PTGR2: variants seen among roughly 807,000 people sequenced by gnomAD.
PTGR2 encodes the protein prostaglandin reductase 2.
PTGR2 carries 32 observed loss-of-function variants against 43.4 expected under a neutral mutation model. The ratio of observed to expected loss-of-function variants is 0.74; its 90% CI spans 0.56 to 0.99. PTGR2 has a LOEUF of 0.99. Among genes scored for constraint, PTGR2 ranks in the 50% least tolerant of loss-of-function variants. The pLI is 0.00. For synonymous variants in PTGR2, 106 were observed against 139.2 expected, an observed-to-expected ratio of 0.76 and a Z score of 1.68; for missense variants, 373 against 420.0, an observed-to-expected ratio of 0.89 and a Z score of 0.98.
intron 4 of PTGR2, among the ~76,000 whole-genome samples, chr14:73,874,846 G>A (rs918778546): frequency 2.0e-5 from 3 of 152,092 alleles, no homozygotes; most frequent in Non-Finnish European, 4.4e-5. Flanking sequence ...AAAAGAATAG[G>A]TAATAGCCTG....
Position 73,874,045 on chromosome 14 carries a change from C to T in PTGR2, c.179C>T (p.Thr60Ile). 1 of 1,608,954 alleles carries T rather than the reference C, an allele frequency of 6.2e-7. No individual in the cohort carries two copies. Among genetic ancestry groups the T allele is most frequent in the Non-Finnish European group, 8.5e-7 (1 of 1,178,360 alleles). Residue 60 changes from threonine (T) to isoleucine (I), a missense_variant, in exon 4 of 10, where the codon ACT becomes ATT. Coordinates refer to ENST00000555661, the MANE Select transcript of PTGR2 (RefSeq NM_001146154.2). ...PYMRCRMNED[T>I]GTDYITPWQL... is the part of the protein sequence containing the mutation. ...CAGCGTTGTAGAATGAATGAAGACACTGGCACTGATTATATAACACCTTGG... is the reference window on the plus strand; with the variant it reads ...CAGCGTTGTAGAATGAATGAAGACATTGGCACTGATTATATAACACCTTGG...
intron 1 of PTGR2, among the ~76,000 whole-genome samples, chr14:73,856,120 A>G (rs1237694760): frequency 6.6e-6 from 1 of 152,136 alleles, no homozygotes. Context: ...TAAGTAGCCT[A>G]CAGTAATGTC....
At chr14:73,856,616 A>C (rs1289673292) in intron 1 of PTGR2, among the ~76,000 whole-genome samples, 1 of 152,158 alleles carries the variant, frequency 6.6e-6, no homozygotes, top group African/African-American at 2.4e-5. Context: ...ACAAATACTT[A>C]CCATCGTGTT....
At chr14:73,880,441 G>T (rs979991651) in intron 7 of PTGR2, among the ~76,000 whole-genome samples, 1 of 151,850 alleles carries the variant, frequency 6.6e-6, no homozygotes, top group Non-Finnish European at 1.5e-5. Flanking sequence ...CGGGTGTAGT[G>T]ATGGGCGCCT....
At chr14:73,881,769 A>ATTTTT (rs2054993272) in intron 8 of PTGR2, among the ~76,000 whole-genome samples, 4 of 84,864 alleles carry the variant, frequency 4.7e-5, no homozygotes, top group African/African-American at 1.5e-4. Flanking sequence ...GGCCTAGGCT[A>ATTTTT]TTCTTTTTTT....
intron 9 of PTGR2, among the ~76,000 whole-genome samples, chr14:73,882,800 C>CCT (rs2055023189): frequency 4.8e-5 from 2 of 41,868 alleles, no homozygotes; most frequent in East Asian, 5.7e-4. Context: ...ACGCCTGGCC[C>CCT]TTTTTTTTTT....
intron 3 of PTGR2, among the ~76,000 whole-genome samples, chr14:73,862,996 T>C (rs754407203): frequency 4.6e-5 from 7 of 152,212 alleles, no homozygotes; most frequent in Non-Finnish European, 8.8e-5. Flanking sequence ...TGTGAGCCAC[T>C]ACATCTGTCT....
intron 3 of PTGR2, chr14:73,861,640 G>A (rs904927758): frequency 6.6e-6 from 1 of 152,214 alleles, no homozygotes; most frequent in Non-Finnish European, 1.5e-5. Context: ...AGAGGCTGAT[G>A]TGGGCAGATC....
intron 1 of PTGR2, 100 bp downstream of exon 1, chr14:73,852,043 G>C (rs1211640531): frequency 6.6e-6 from 1 of 152,212 alleles, no homozygotes; most frequent in South Asian, 2.1e-4. Context: ...ACTTCTAGGC[G>C]TCCTCCCGGA....
At chr14:73,876,720 G>A (rs950581833) in intron 4 of PTGR2, among the ~76,000 whole-genome samples, 2 of 151,854 alleles carry the variant, frequency 1.3e-5, no homozygotes, top group Admixed American at 6.6e-5. Flanking sequence ...CAGGTGATCC[G>A]CCTGCCTCGG....
chr14:73,881,249 GC>G lies in PTGR2; in HGVS notation c.897del (p.Ile300PhefsTer4). On this transcript the variant is annotated frameshift_variant, in exon 8 of 10. Coordinates refer to ENST00000555661, the MANE Select transcript of PTGR2 (RefSeq NM_001146154.2). Reference protein sequence around the residue: ...VLNYKDKFEPGILQLSQWFKE... With the variant: ...VLNYKDKFEPXILQLSQWFKE... ...AATTATAAAGACAAATTTGAGCCTG[GC>G]ATTCTACAGCTGAGTCAGTGGTTTA... The G allele has an allele frequency of 6.2e-7, 1 of 1,610,462 alleles. No individual in the cohort carries two copies. The highest frequency in any genetic ancestry group is 8.5e-7 in the Non-Finnish European group (1 of 1,177,006).
intron 3 of PTGR2, among the ~76,000 whole-genome samples, chr14:73,863,759 G>A (rs1188631787): frequency 6.6e-6 from 1 of 151,756 alleles, no homozygotes; most frequent in Non-Finnish European, 1.5e-5. Flanking sequence ...GGATTAACAG[G>A]CGTGCACCAC....
intron 8 of PTGR2, among the ~76,000 whole-genome samples, chr14:73,881,887 A>G (rs6574149): frequency 0.49 from 73,373 of 148,732 alleles, 18,145 homozygotes; most frequent in South Asian, 0.61. Context: ...AGGTTCAAGC[A>G]ATTATTCTGC....
intron 1 of PTGR2, among the ~76,000 whole-genome samples, chr14:73,853,329 TC>T (rs1488058671): frequency 3.1e-4 from 41 of 132,512 alleles, no homozygotes; most frequent in Admixed American, 1.9e-3. Context: ...TTCTCTTTTT[TC>T]TTTTTTTTTG....
rs771673519 is a variant in PTGR2 at position 73,877,030 on chromosome 14, A to G, written c.381A>G (p.Ser127=). Residue 127 remains serine, a synonymous_variant, in exon 5 of 10, where the codon TCA becomes TCG. Transcript: ENST00000555661. ...CACAACTTGTGGATGGACACCTTTC[A>G]TATTTTCTTGGAGCTATAGGTATGC... ...VDPQLVDGHL[S]YFLGAIGMPG... is the part of the protein sequence containing the mutation. The G allele has an allele frequency of 3.1e-6, 5 of 1,613,622 alleles. No homozygotes were observed. The highest frequency in any genetic ancestry group is 2.2e-5 in the South Asian group (2 of 91,040).
At chr14:73,856,324 C>A (rs1312483285) in intron 1 of PTGR2, among the ~76,000 whole-genome samples, 1 of 152,108 alleles carries the variant, frequency 6.6e-6, no homozygotes, top group Non-Finnish European at 1.5e-5. Flanking sequence ...TGGCTCACTG[C>A]AATCTCCACC....
intron 1 of PTGR2, among the ~76,000 whole-genome samples, chr14:73,857,664 G>GTTTTATTTT (rs2054383610): frequency 1.5e-5 from 1 of 64,696 alleles, no homozygotes; most frequent in Non-Finnish European, 2.7e-5. Flanking sequence ...AGCAGTTAGT[G>GTTTTATTTT]TTTTTTTTTT....
chr14:73,858,568 A>G (rs1472839838), intron 1 of PTGR2: 1 of 266,014 alleles, frequency 3.8e-6, no homozygotes, highest in Non-Finnish European at 7.4e-6. Flanking sequence ...TAAATAAATA[A>G]ATAAACAAAC....
At chr14:73,867,288 G>C (rs1222202443) in intron 3 of PTGR2, among the ~76,000 whole-genome samples, 1 of 151,838 alleles carries the variant, frequency 6.6e-6, no homozygotes, top group Non-Finnish European at 1.5e-5. Flanking sequence ...GCTTTTCTGA[G>C]TCTTCAGCTT....
Sources: gnomAD v4.1 joint callset for allele counts (sites outside exome capture counted in the v4.1 genomes callset) on GRCh38, gnomAD v4.1.1 for gene constraint, MANE v1.5 for transcripts, NCBI Gene and HGNC (gene_info 2026-07-23, HGNC 2026-07-21) for gene names.